BCAS3: variants seen among roughly 807,000 people sequenced by gnomAD.
BCAS3 encodes BCAS3 microtubule associated cell migration factor, also known as BCAS4/BCAS3 fusion.
Under a neutral mutation model 116.1 loss-of-function variants are expected in BCAS3, and 53 were observed. That is an observed-to-expected ratio of 0.46 (90% CI 0.37 to 0.57). The LOEUF (loss-of-function observed/expected upper bound fraction) is 0.57, where lower values mean the gene tolerates loss of function less well. BCAS3 is among the 20% of genes least tolerant of loss of function. The pLI is 0.00. For missense variants in BCAS3, 917 were observed against 1,165.4 expected, an observed-to-expected ratio of 0.79 and a Z score of 3.10; for synonymous variants, 391 against 408.2, an observed-to-expected ratio of 0.96 and a Z score of 0.51.
intron 14 of BCAS3, among the ~76,000 whole-genome samples, chr17:60,965,023 C>T (rs746274210): frequency 1.7e-4 from 26 of 151,904 alleles, no homozygotes; most frequent in Non-Finnish European, 2.9e-4. Context: ...TTTTTAGCTT[C>T]GATTTCATTA....
chr17:60,782,207 G>A (rs980051681), intron 6 of BCAS3, among the ~76,000 whole-genome samples: 1 of 152,212 alleles, frequency 6.6e-6, no homozygotes, highest in African/African-American at 2.4e-5. Flanking sequence ...TTGCAGCACA[G>A]TGTGAGACCT....
In BCAS3 at chr17:61,286,327, A is replaced by G. The variant is rs537363321; in HGVS notation, c.2426-82000A>G. ...TGCATTTGAAAGTTATCGTGAGCAG[A>G]TGAAGCAGAGGTTGCTGGGTTTATA... is the stretch of plus-strand genomic sequence containing the variant. On this transcript the variant is annotated intron_variant, in intron 22 of 23. Transcript: ENST00000407086. The surrounding 1 kb of genome is among the most constrained non-coding windows in gnomAD (Gnocchi z 4.8). Among the ~76,000 whole-genome samples the G allele has an allele frequency of 1.5e-4, 23 of 152,168 alleles. No homozygotes were observed. Among genetic ancestry groups the G allele is most frequent in the Middle Eastern group, 3.2e-3 (1 of 316 alleles).
intron 19 of BCAS3, among the ~76,000 whole-genome samples, chr17:61,049,365 G>A (rs895407334): frequency 2.0e-5 from 3 of 151,832 alleles, no homozygotes; most frequent in Admixed American, 2.0e-4. Flanking sequence ...TGAAGATAGA[G>A]CAAGATAAAG....
At chr17:60,904,299 G>T (rs1294080755) in intron 11 of BCAS3, among the ~76,000 whole-genome samples, 1 of 152,050 alleles carries the variant, frequency 6.6e-6, no homozygotes, top group Non-Finnish European at 1.5e-5. Context: ...AGCTACTCAG[G>T]AGGCTGAGGC....
Position 61,130,636 on chromosome 17 carries a change from T to G in BCAS3, c.2425+46072T>G, listed in dbSNP as rs2076281252. ...GGAAGTTCAAATGTTTGAATGGAGA[T>G]TTAAAAAGTCTAGCTATGCTTCTTG... is the stretch of plus-strand genomic sequence containing the variant. On this transcript the variant is annotated intron_variant, in intron 22 of 23. Transcript: ENST00000407086. This position sits in a 1 kb window ranked among gnomAD's most constrained non-coding sequence, Gnocchi z 5.0. 6.6e-6 allele frequency: 1 copy of G among 152,260 alleles called. No individual in the cohort carries two copies. Among genetic ancestry groups the G allele is most frequent in the African/African-American group, 2.4e-5 (1 of 41,472 alleles). 9.4% of individuals were successfully genotyped at this position (152,260 alleles called of 1,614,324 possible). A position where few individuals can be genotyped will look rare whatever the true frequency, so the allele number is the denominator to read the frequency against.
chr17:60,885,844 G>A (rs1199849483), intron 9 of BCAS3, among the ~76,000 whole-genome samples: 5 of 145,622 alleles, frequency 3.4e-5, no homozygotes, highest in Non-Finnish European at 7.4e-5. Context: ...CCCTTTGAGG[G>A]TAACCCGACC....
chr17:60,893,340 A>G (rs2057302088), intron 10 of BCAS3, among the ~76,000 whole-genome samples: 1 of 151,926 alleles, frequency 6.6e-6, no homozygotes, highest in South Asian at 2.1e-4. Context: ...GTTTTTCCCT[A>G]GGTTTTCTTC....
chr17:60,748,392 C>T (rs987329577), intron 6 of BCAS3, among the ~76,000 whole-genome samples: 1 of 152,212 alleles, frequency 6.6e-6, no homozygotes, highest in Non-Finnish European at 1.5e-5. Flanking sequence ...CTCTCTGTTT[C>T]TTTCTCACAC....
intron 7 of BCAS3, among the ~76,000 whole-genome samples, chr17:60,856,853 A>G (rs2053721011): frequency 6.6e-6 from 1 of 152,178 alleles, no homozygotes; most frequent in African/African-American, 2.4e-5. Flanking sequence ...TTAATTTTCA[A>G]TAAAAGAAGC....
At chr17:60,775,855 T>C (rs8078607) in intron 6 of BCAS3, among the ~76,000 whole-genome samples, 28,194 of 151,946 alleles carry the variant, frequency 0.19, 4,071 homozygotes, top group African/African-American at 0.41. Context: ...GATGAGGGGG[T>C]CATAGGTGTT....
intron 13 of BCAS3, among the ~76,000 whole-genome samples, chr17:60,926,678 C>T (rs2059381343): frequency 1.3e-5 from 2 of 152,088 alleles, no homozygotes; most frequent in Admixed American, 1.3e-4. Flanking sequence ...ATTGATATTC[C>T]ATCTGTTATG....
intron 23 of BCAS3, among the ~76,000 whole-genome samples, chr17:61,369,086 G>A (rs978076799): frequency 7.9e-5 from 12 of 152,206 alleles, no homozygotes; most frequent in South Asian, 2.1e-4. Context: ...GTTCATGTGC[G>A]CACACACGCA....
rs145215916 is a variant in BCAS3, at chr17:60,821,103, T to C, written c.476+13027T>C. 1.3e-3 allele frequency among the ~76,000 whole-genome samples: 194 copies of C among 152,178 alleles called. 1 individual carries two copies. The highest frequency in any genetic ancestry group is 2.1e-3 in the Non-Finnish European group (144 of 67,990). On this transcript the variant is annotated intron_variant, in intron 7 of 23. Coordinates refer to ENST00000407086, the MANE Select transcript of BCAS3 (RefSeq NM_017679.5). ...CTGGGATTACAGGTGCTTGCCATCA[T>C]GCCTGGCTAATATTTGTATTTTTAG...
intron 22 of BCAS3, among the ~76,000 whole-genome samples, chr17:61,160,629 A>G (rs1455508095): frequency 6.6e-6 from 1 of 152,198 alleles, no homozygotes; most frequent in East Asian, 1.9e-4. Context: ...CCTTTTAAGA[A>G]AAAAATGCCT....
rs117487729 is a variant in BCAS3, at chr17:61,344,206, A to G, written c.2426-24121A>G. On this transcript the variant is annotated intron_variant, in intron 22 of 23. Coordinates refer to ENST00000407086, the MANE Select transcript of BCAS3 (RefSeq NM_017679.5). The surrounding 1 kb of genome is among the most constrained non-coding windows in gnomAD (Gnocchi z 4.1). The stretch of plus-strand genomic sequence containing the variant: ...AATATGCAAACCCTCTTTGCTTAGG[A>G]GAACCTGAGTTCACCTGCCAAAATC... 2.1e-3 allele frequency among the ~76,000 whole-genome samples: 312 copies of G among 152,190 alleles called. 8 individuals are homozygous for G. The East Asian group carries it at 0.044, about 22-fold the overall frequency.
chr17:61,241,579 C>T lies in BCAS3; in HGVS notation c.2426-126748C>T, dbSNP rs1229797297. Among the ~76,000 whole-genome samples the T allele has an allele frequency of 6.6e-6, 1 of 151,714 alleles. No homozygotes were observed. The highest frequency in any genetic ancestry group is 1.5e-5 in the Non-Finnish European group (1 of 67,966). On this transcript the variant is annotated intron_variant, in intron 22 of 23. Coordinates refer to ENST00000407086, the MANE Select transcript of BCAS3 (RefSeq NM_017679.5). The surrounding 1 kb of genome is among the most constrained non-coding windows in gnomAD (Gnocchi z 4.6). Reference sequence around the variant, plus strand: ...AAATTACAAAAAAAAATTAGCCGGCCGTGGTGGCGGGTGCCTGTAGTCCCA... The same window carrying T: ...AAATTACAAAAAAAAATTAGCCGGCTGTGGTGGCGGGTGCCTGTAGTCCCA...
At chr17:61,001,578 G>A (rs1366135116) in intron 15 of BCAS3, among the ~76,000 whole-genome samples, 6 of 152,114 alleles carry the variant, frequency 3.9e-5, no homozygotes, top group Non-Finnish European at 7.4e-5. Flanking sequence ...AATCAATCAA[G>A]TGCACTGTAG....
At chr17:60,893,085 T>G (rs1271644194) in intron 10 of BCAS3, among the ~76,000 whole-genome samples, 1 of 152,134 alleles carries the variant, frequency 6.6e-6, no homozygotes, top group Non-Finnish European at 1.5e-5. Flanking sequence ...TTTATGTCCT[T>G]TGGGGTTTTT....
At chr17:61,086,183 G>C (rs535546725) in intron 22 of BCAS3, among the ~76,000 whole-genome samples, 1 of 152,320 alleles carries the variant, frequency 6.6e-6, no homozygotes, top group African/African-American at 2.4e-5. Context: ...CTGCCTCCCA[G>C]GTTCAAGCAA....
Sources: gnomAD v4.1 joint callset for allele counts (sites outside exome capture counted in the v4.1 genomes callset) on GRCh38, gnomAD v4.1.1 for gene constraint, Gnocchi (gnomAD v3.1) non-coding constraint, MANE v1.5 for transcripts, NCBI Gene and HGNC (gene_info 2026-07-23, HGNC 2026-07-21) for gene names.